The following ITPR2 variants were observed in gnomAD, a reference collection of about 807,000 sequenced individuals.
ITPR2 encodes inositol 1,4,5-trisphosphate-gated calcium channel ITPR2.
ITPR2 carries 207 observed loss-of-function variants against 317.1 expected under a neutral mutation model. The observed-to-expected ratio is 0.65, with a 90% CI of 0.58 to 0.73. The LOEUF is 0.73. Ranked by LOEUF, ITPR2 falls within the 30% of genes least tolerant of loss-of-function variation. The pLI is 0.00. For missense variants in ITPR2, 2,613 were observed against 3,284.0 expected, an observed-to-expected ratio of 0.80 and a Z score of 4.99; for synonymous variants, 1,156 against 1,149.1, an observed-to-expected ratio of 1.01 and a Z score of -0.12.
chr12:26,366,768 C>T (rs544859008), intron 55 of ITPR2, among the ~76,000 whole-genome samples: 87 of 152,190 alleles, frequency 5.7e-4, no homozygotes, highest in African/African-American at 2.1e-3. Flanking sequence ...AGTTCCAAAA[C>T]CATAAAAAAA....
intron 2 of ITPR2, among the ~76,000 whole-genome samples, chr12:26,784,805 C>T (rs1214492548): frequency 7.9e-6 from 1 of 126,338 alleles, no homozygotes; most frequent in African/African-American, 2.8e-5. Flanking sequence ...GGCCCCCCAT[C>T]GTCTGGGATA....
chr12:26,562,581 T>C (rs1944848404), intron 34 of ITPR2, among the ~76,000 whole-genome samples: 1 of 152,176 alleles, frequency 6.6e-6, no homozygotes, highest in South Asian at 2.1e-4. Flanking sequence ...ATGGGATTAG[T>C]CCATCAGCGA....
At chr12:26,799,304 T>C (rs764285708) in intron 1 of ITPR2, among the ~76,000 whole-genome samples, 3 of 152,248 alleles carry the variant, frequency 2.0e-5, no homozygotes, top group Non-Finnish European at 2.9e-5. Flanking sequence ...GATGAATCCA[T>C]ACATTTAAAA....
intron 37 of ITPR2, among the ~76,000 whole-genome samples, chr12:26,512,521 A>G (rs936943901): frequency 4.6e-5 from 7 of 152,212 alleles, no homozygotes; most frequent in Non-Finnish European, 8.8e-5. Flanking sequence ...CAAAGACTCA[A>G]AAGAATGCAA....
intron 52 of ITPR2, among the ~76,000 whole-genome samples, chr12:26,401,430 G>A (rs193083507): frequency 3.3e-4 from 50 of 152,238 alleles, no homozygotes; most frequent in Middle Eastern, 3.4e-3. Flanking sequence ...AGGGATAAAG[G>A]AGGAAAGAGA....
At chr12:26,777,932 C>G (rs1950005232) in intron 2 of ITPR2, among the ~76,000 whole-genome samples, 1 of 152,196 alleles carries the variant, frequency 6.6e-6, no homozygotes, top group African/African-American at 2.4e-5. Context: ...CTGCTGGACA[C>G]TGGCTCTGAG....
chr12:26,640,350 T>G (rs1208171462), intron 21 of ITPR2, among the ~76,000 whole-genome samples: 1 of 151,952 alleles, frequency 6.6e-6, no homozygotes, highest in Non-Finnish European at 1.5e-5. Context: ...TCCTAAACAT[T>G]TATCCCAGAA....
At chr12:26,461,678 A>G (rs923766689) in intron 45 of ITPR2, among the ~76,000 whole-genome samples, 3 of 70,894 alleles carry the variant, frequency 4.2e-5, no homozygotes, top group Non-Finnish European at 6.7e-5. Context: ...ATATGCACAC[A>G]TACATATATA....
intron 55 of ITPR2, among the ~76,000 whole-genome samples, chr12:26,370,759 C>G (rs1254578337): frequency 6.6e-6 from 1 of 152,242 alleles, no homozygotes; most frequent in Non-Finnish European, 1.5e-5. Context: ...ACTGCAACCT[C>G]TGCCTCCCAG....
intron 11 of ITPR2, among the ~76,000 whole-genome samples, chr12:26,685,245 C>G (rs536467785): frequency 6.6e-6 from 1 of 152,270 alleles, no homozygotes; most frequent in African/African-American, 2.4e-5. Context: ...CTAGAGAGTG[C>G]ATCATAGCCT....
chr12:26,509,958 TTGTGTG>T (rs56063133), intron 37 of ITPR2, among the ~76,000 whole-genome samples: 2,425 of 53,310 alleles, frequency 0.045, 44 homozygotes, highest in Middle Eastern at 0.13. Context: ...GATAAGGGTT[TTGTGTG>T]TGTGTGTGTG....
intron 26 of ITPR2, among the ~76,000 whole-genome samples, chr12:26,613,193 C>T (rs1286172730): frequency 1.3e-5 from 2 of 152,128 alleles, no homozygotes; most frequent in African/African-American, 4.8e-5. Flanking sequence ...CTTTACACAG[C>T]ATTTGAAAGA....
intron 45 of ITPR2, among the ~76,000 whole-genome samples, chr12:26,448,265 C>T (rs1194672211): frequency 6.6e-6 from 1 of 151,784 alleles, no homozygotes; most frequent in Admixed American, 6.6e-5. Context: ...CAGCTGATGT[C>T]ACTATACAAA....
chr12:26,445,810 G>A (rs767984045), intron 45 of ITPR2, among the ~76,000 whole-genome samples: 13 of 152,146 alleles, frequency 8.5e-5, no homozygotes, highest in Non-Finnish European at 1.8e-4. Flanking sequence ...GTGTAAGGGA[G>A]ACCCAAGAAA....
rs1941852045 is a variant in ITPR2, at chr12:26,455,254, A to G, written c.6343-11604T>C. 2.0e-5 allele frequency among the ~76,000 whole-genome samples: 3 copies of G among 146,476 alleles called. No individual in the cohort carries two copies. The South Asian group carries it at 6.5e-4, about 32-fold the overall frequency. ...GATTGCTTGAAAGCATTTCAACTTC[A>G]GGTTTCTTCAGCTTTCTATTTCTGA... On this transcript the variant is annotated intron_variant, in intron 45 of 56. Transcript: ENST00000381340.
chr12:26,507,922 A>G (rs762430853), intron 37 of ITPR2, among the ~76,000 whole-genome samples: 4 of 149,806 alleles, frequency 2.7e-5, no homozygotes, highest in Non-Finnish European at 4.5e-5. Flanking sequence ...TGTAATATAT[A>G]CGTATATCTA....
chr12:26,454,457 C>T (rs141904955), intron 45 of ITPR2, among the ~76,000 whole-genome samples: 2,232 of 152,218 alleles, frequency 0.015, 33 homozygotes, highest in South Asian at 0.029. Flanking sequence ...CTGCCCACCT[C>T]GGCCTCCCAA....
chr12:26,780,209 G>T (rs990760752), intron 2 of ITPR2, among the ~76,000 whole-genome samples: 10 of 152,192 alleles, frequency 6.6e-5, no homozygotes, highest in African/African-American at 2.4e-4. Context: ...GACAGCAGCA[G>T]AGACCAACAC....
intron 13 of ITPR2, among the ~76,000 whole-genome samples, chr12:26,675,669 AC>A (rs1161412925): frequency 1.3e-5 from 2 of 152,324 alleles, no homozygotes; most frequent in East Asian, 3.9e-4. Flanking sequence ...CACATTGTGC[AC>A]ATGTACCCTA....
Sources: gnomAD v4.1 joint callset for allele counts (sites outside exome capture counted in the v4.1 genomes callset) on GRCh38, gnomAD v4.1.1 for gene constraint, MANE v1.5 for transcripts, NCBI Gene and HGNC (gene_info 2026-07-23, HGNC 2026-07-21) for gene names.